The following PUDP variants were observed in gnomAD, a reference collection of about 807,000 sequenced individuals.
PUDP encodes the protein pseudouridine-5'-phosphatase.
A neutral mutation model predicts 9.4 loss-of-function variants in PUDP; 8 were observed. The observed-to-expected ratio is 0.85, with a 90% CI of 0.50 to 1.53. PUDP has a LOEUF of 1.53. Among genes scored for constraint, PUDP ranks in the 40% most tolerant of loss-of-function variants. PUDP has a pLI of 0.00. For synonymous variants in PUDP, 99 were observed against 80.7 expected (o/e 1.23, Z -1.22); for missense variants, 188 against 189.7 (o/e 0.99, Z 0.05).
At chrX:6,842,124 C>A (rs1194353705) in intron 3 of PUDP, among the ~76,000 whole-genome samples, 3 of 111,991 alleles carry the variant, frequency 2.7e-5, no homozygotes, top group African/African-American at 9.7e-5. Context: ...CTCTCAAAAT[C>A]TCATATTCCT....
intron 1 of PUDP, among the ~76,000 whole-genome samples, chrX:7,013,659 C>T (rs1454600062): frequency 3.6e-5 from 4 of 111,955 alleles, no homozygotes; most frequent in African/African-American, 9.8e-5. Flanking sequence ...GTGCAACAGG[C>T]GTGTGGCTCG....
chrX:7,028,008 T>C (rs1255551426), intron 1 of PUDP, among the ~76,000 whole-genome samples: 1 of 104,827 alleles, frequency 9.5e-6, no homozygotes, highest in Non-Finnish European at 1.9e-5. Context: ...GTCTAGACTA[T>C]ATTATTCTAT....
intron 1 of PUDP, among the ~76,000 whole-genome samples, chrX:6,992,385 G>A (rs1403401207): frequency 5.6e-5 from 5 of 89,173 alleles, no homozygotes; most frequent in African/African-American, 1.6e-4. Context: ...CCATTCTCCT[G>A]CCTCAGCCTC....
At chrX:6,911,590 T>A (rs1416747107) in intron 3 of PUDP, among the ~76,000 whole-genome samples, 2 of 112,300 alleles carry the variant, frequency 1.8e-5, no homozygotes, top group Non-Finnish European at 3.8e-5. Flanking sequence ...AGGCCATGTT[T>A]TAAAATTCTA....
At chrX:6,986,742 A>C (rs919195532) in intron 1 of PUDP, among the ~76,000 whole-genome samples, 1 of 111,786 alleles carries the variant, frequency 8.9e-6, no homozygotes, top group Non-Finnish European at 1.9e-5. Context: ...CTTCCAGGGA[A>C]ACTTGCATCC....
intron 3 of PUDP, among the ~76,000 whole-genome samples, chrX:6,953,138 T>C (rs1369320847): frequency 2.7e-5 from 3 of 111,957 alleles, no homozygotes; most frequent in Non-Finnish European, 5.6e-5. Context: ...GTTTTCCCAC[T>C]GTTAGTTACT....
chrX:6,796,314 A>G (rs5989499), intron 3 of PUDP, among the ~76,000 whole-genome samples: 46,204 of 110,987 alleles, frequency 0.42, 8,511 homozygotes, highest in African/African-American at 0.71. Context: ...GGTTCTGTGC[A>G]TGTGAGTACA....
intron 3 of PUDP, among the ~76,000 whole-genome samples, chrX:6,793,963 C>A (rs1925796334): frequency 9.0e-6 from 1 of 111,579 alleles, no homozygotes; most frequent in African/African-American, 3.3e-5. Context: ...CTATTATCCT[C>A]CTTACTCCCA....
At chrX:6,709,526 G>A (rs992909786) in intron 1 of PUDP, among the ~76,000 whole-genome samples, 2 of 111,894 alleles carry the variant, frequency 1.8e-5, no homozygotes, top group African/African-American at 6.5e-5. Flanking sequence ...TCCATCACCC[G>A]AAGCGTTTAT....
chrX:6,965,630 A>G (rs1472784594), intron 3 of PUDP, among the ~76,000 whole-genome samples: 5 of 112,372 alleles, frequency 4.4e-5, no homozygotes, highest in Admixed American at 1.9e-4. Flanking sequence ...TATACACTCA[A>G]TAAACTGCAG....
At chrX:7,044,386 C>T (rs1454435242), downstream of PUDP, among the ~76,000 whole-genome samples, 1 of 112,332 alleles carries the variant, frequency 8.9e-6, no homozygotes. Flanking sequence ...TAGGAAAGAC[C>T]CGCAAGTATC....
chrX:6,763,394 T>C (rs926869329), intron 3 of PUDP, among the ~76,000 whole-genome samples: 7 of 111,482 alleles, frequency 6.3e-5, no homozygotes, highest in African/African-American at 2.3e-4. Context: ...CAAAAAAAAA[T>C]TCGTAACACC....
chrX:6,920,417 A>G (rs1315037958), intron 3 of PUDP, among the ~76,000 whole-genome samples: 1 of 110,744 alleles, frequency 9.0e-6, no homozygotes, highest in Non-Finnish European at 1.9e-5. Context: ...TTTCATCCTC[A>G]ACTCTTCTGT....
chrX:6,835,381 G>A (rs1472581732), intron 3 of PUDP, among the ~76,000 whole-genome samples: 1 of 111,214 alleles, frequency 9.0e-6, no homozygotes, highest in East Asian at 2.8e-4. Context: ...ACACAGCAAC[G>A]TCATAGCCAA....
At chrX:7,043,877 G>A (rs1045442393) in intron 1 of PUDP, among the ~76,000 whole-genome samples, 1 of 111,778 alleles carries the variant, frequency 8.9e-6, no homozygotes, top group Non-Finnish European at 1.9e-5. Flanking sequence ...TCCTTGAGAG[G>A]CCTTAAAAAA....
chrX:6,823,557 C>G (rs1926379354), intron 3 of PUDP, among the ~76,000 whole-genome samples: 1 of 112,496 alleles, frequency 8.9e-6, no homozygotes, highest in African/African-American at 3.2e-5. Context: ...GGAAAGGGGT[C>G]CTGATCCAGA....
intron 3 of PUDP, among the ~76,000 whole-genome samples, chrX:6,945,745 A>C (rs913412130): frequency 8.9e-6 from 1 of 111,738 alleles, no homozygotes; most frequent in African/African-American, 3.3e-5. Flanking sequence ...AGCAAATCAT[A>C]AAGTTGTGCA....
At chrX:6,918,973 C>A (rs6530002) in intron 3 of PUDP, among the ~76,000 whole-genome samples, 23,126 of 111,399 alleles carry the variant, frequency 0.21, 1,908 homozygotes, top group Admixed American at 0.35. Flanking sequence ...GGTTTGCCAC[C>A]TGTTTGATCT....
At chrX:6,848,200 A>T (rs1426980004) in intron 3 of PUDP, among the ~76,000 whole-genome samples, 2 of 112,171 alleles carry the variant, frequency 1.8e-5, no homozygotes, top group Non-Finnish European at 3.8e-5. Context: ...GGAAGCAGAC[A>T]GAGAAGCACT....
Sources: gnomAD v4.1 joint callset for allele counts (sites outside exome capture counted in the v4.1 genomes callset) on GRCh38, gnomAD v4.1.1 for gene constraint, MANE v1.5 for transcripts, NCBI Gene and HGNC (gene_info 2026-07-23, HGNC 2026-07-21) for gene names.